Variants in IL19 observed in about 807,000 individuals in gnomAD.
The protein encoded by IL19 is interleukin 19.
In IL19, 15 loss-of-function variants were observed where a neutral mutation model predicts 19.5. The observed-to-expected ratio is 0.77, with a 90% CI of 0.52 to 1.19. IL19 has a LOEUF of 1.19. IL19 is among the 50% of genes most tolerant of loss of function. The probability of loss-of-function intolerance (pLI) is 0.00; values close to 1 mark genes in which losing one functional copy is unlikely to be tolerated. For missense variants in IL19, 199 were observed against 213.1 expected (o/e 0.93, Z 0.41); for synonymous variants, 78 against 78.3 (o/e 1.00, Z 0.02).
intron 1 of IL19, among the ~76,000 whole-genome samples, chr1:206,797,145 C>G (rs1389086291): frequency 1.3e-5 from 2 of 152,180 alleles, no homozygotes; most frequent in Non-Finnish European, 2.9e-5. Flanking sequence ...TGTGAACATC[C>G]TTGGCTTTTG....
Position 206,840,006 on chromosome 1 carries a change from A to G in IL19, c.363+4A>G, listed in dbSNP as rs747185978. 1 of 1,614,178 alleles carries G rather than the reference A, an allele frequency of 6.2e-7. No individual in the cohort carries two copies. The highest frequency in any genetic ancestry group is 8.5e-7 in the Non-Finnish European group (1 of 1,180,004). On this transcript the variant is annotated splice_donor_region_variant and intron_variant, in intron 5 of 6. Transcript: ENST00000659997. ...GCAGAAAACTCTGCGGCAATGTGTG[A>G]GTCACTGGGTCAGAATTCCAGCATC...
At chr1:206,798,747 G>T in intron 1 of IL19, 114 bp from the exon 2 acceptor site, 1 of 594,870 alleles carries the variant, frequency 1.7e-6, no homozygotes, top group South Asian at 2.1e-5. Flanking sequence ...TAGCTGGGTT[G>T]AATTTTTGTA....
intron 2 of IL19, among the ~76,000 whole-genome samples, chr1:206,824,004 G>A (rs1000212056): frequency 6.6e-6 from 1 of 152,232 alleles, no homozygotes; most frequent in African/African-American, 2.4e-5. Flanking sequence ...GGGAAAGAAT[G>A]TTCTCAACCT....
chr1:206,831,379 T>C (rs1197285464), intron 2 of IL19, among the ~76,000 whole-genome samples: 1 of 152,200 alleles, frequency 6.6e-6, no homozygotes, highest in African/African-American at 2.4e-5. Context: ...CCAGAAGTCC[T>C]AATTCTAAGG....
At position 206,821,916 on chromosome 1, in the gene IL19, C is replaced by T. The variant is rs556363801; in HGVS notation, c.-2-14745C>T. ...CTGCACCTTAATTTGGAAGAGGTGT[C>T]CAGGTTCTTCAAGTTCCCACAGGCC... On this transcript the variant is annotated intron_variant, in intron 2 of 6. Transcript: ENST00000659997. Among the ~76,000 whole-genome samples, 108 of 152,316 alleles carry T rather than the reference C, an allele frequency of 7.1e-4. 1 individual carries two copies. The South Asian group carries it at 0.018, about 25-fold the overall frequency.
chr1:206,798,094 A>T (rs764774416), intron 1 of IL19, among the ~76,000 whole-genome samples: 1 of 152,198 alleles, frequency 6.6e-6, no homozygotes, highest in Admixed American at 6.5e-5. Flanking sequence ...GCTGTAGGTC[A>T]TGGGGACAGA....
At chr1:206,804,023 C>T (rs922209676) in intron 2 of IL19, among the ~76,000 whole-genome samples, 3 of 152,210 alleles carry the variant, frequency 2.0e-5, no homozygotes, top group Non-Finnish European at 2.9e-5. Context: ...TTTCTCTCTT[C>T]GCCCTGTCTC....
intron 2 of IL19, among the ~76,000 whole-genome samples, chr1:206,830,820 G>A (rs747643177): frequency 4.6e-5 from 7 of 152,092 alleles, no homozygotes; most frequent in Admixed American, 6.5e-5. Flanking sequence ...CTCGTGATCC[G>A]CCCGCCTTGG....
chr1:206,772,894 C>T (rs1674894511), intron 1 of IL19, among the ~76,000 whole-genome samples: 1 of 152,106 alleles, frequency 6.6e-6, no homozygotes, highest in Non-Finnish European at 1.5e-5. Flanking sequence ...ATAATTGGGT[C>T]CCCCCAACCT....
chr1:206,841,119 G>GTGAA (rs769479140), intron 6 of IL19, 41 bp downstream of exon 6: 1 of 1,539,248 alleles, frequency 6.5e-7, no homozygotes, highest in Non-Finnish European at 9.0e-7. Context: ...GAAGATGAGA[G>GTGAA]GTAGATCAGG....
chr1:206,788,825 A>G (rs1327929538), intron 1 of IL19, among the ~76,000 whole-genome samples: 3 of 152,246 alleles, frequency 2.0e-5, no homozygotes, highest in Non-Finnish European at 4.4e-5. Flanking sequence ...GGTTTCTCTT[A>G]GCACAGATTC....
intron 3 of IL19, 38 bp downstream of exon 3, chr1:206,836,844 T>C (rs1200171767): frequency 1.2e-5 from 20 of 1,609,718 alleles, no homozygotes; most frequent in Non-Finnish European, 1.4e-5. Context: ...GATGACGGAG[T>C]ATCCCTCCCC....
At chr1:206,808,519 G>GTGTGTGTA (rs889218255) in intron 2 of IL19, among the ~76,000 whole-genome samples, 1 of 152,018 alleles carries the variant, frequency 6.6e-6, no homozygotes, top group Non-Finnish European at 1.5e-5. Flanking sequence ...GTGTGTGTGT[G>GTGTGTGTA]TGTGTGCCCA....
At chr1:206,795,994 A>G (rs11119573) in intron 1 of IL19, among the ~76,000 whole-genome samples, 107,440 of 150,700 alleles carry the variant, frequency 0.71, 38,904 homozygotes, top group Non-Finnish European at 0.78. Flanking sequence ...TATGGCTCAC[A>G]TGATTATGGA....
intron 2 of IL19, among the ~76,000 whole-genome samples, chr1:206,815,200 GT>G (rs1307461175): frequency 2.0e-5 from 3 of 152,174 alleles, no homozygotes; most frequent in African/African-American, 7.2e-5. Flanking sequence ...TTATGGCTGG[GT>G]TCCAAGAACA....
intron 1 of IL19, among the ~76,000 whole-genome samples, chr1:206,784,910 C>T (rs1338604916): frequency 1.3e-5 from 2 of 152,230 alleles, no homozygotes; most frequent in Non-Finnish European, 2.9e-5. Flanking sequence ...TGGCTCCTGA[C>T]GTGGGACTCA....
At chr1:206,815,495 T>C (rs1224053831) in intron 2 of IL19, among the ~76,000 whole-genome samples, 1 of 152,200 alleles carries the variant, frequency 6.6e-6, no homozygotes, top group Admixed American at 6.5e-5. Context: ...TCTCTTTGGA[T>C]TGGGTGGATT....
chr1:206,842,876 T>G lies in IL19; in HGVS notation c.*254T>G. ...AAGGGCTGCCTTCCCATCTAATTTA[T>G]TGTAAAGTCATATAGTCCATGTCTG... On this transcript the variant is annotated 3_prime_UTR_variant, in exon 7 of 7. Coordinates refer to ENST00000659997, the MANE Select transcript of IL19 (RefSeq NM_153758.5). The G allele has an allele frequency of 2.4e-6, 1 of 416,860 alleles. No homozygotes were observed. Among genetic ancestry groups the G allele is most frequent in the South Asian group, 3.6e-5 (1 of 27,730 alleles). 25.8% of individuals were successfully genotyped at this position (416,860 alleles called of 1,614,324 possible). A position where few individuals can be genotyped will look rare whatever the true frequency, so the allele number is the denominator to read the frequency against.
intron 2 of IL19, among the ~76,000 whole-genome samples, chr1:206,810,860 C>T (rs572183379): frequency 8.5e-5 from 13 of 152,284 alleles, no homozygotes; most frequent in African/African-American, 2.9e-4. Context: ...AGTGAGTTCT[C>T]ACTCTATTTG....
Sources: allele counts gnomAD v4.1 joint callset (sites outside exome capture counted in the v4.1 genomes callset), GRCh38; gene constraint gnomAD v4.1.1; transcripts MANE v1.5; gene names NCBI Gene and HGNC (gene_info 2026-07-23, HGNC 2026-07-21).